RGS12: variants seen among roughly 807,000 people sequenced by gnomAD.
The protein encoded by RGS12 is regulator of G-protein signaling 12.
A neutral mutation model predicts 120.1 loss-of-function variants in RGS12; 66 were observed. The ratio of observed to expected loss-of-function variants is 0.55; its 90% CI spans 0.45 to 0.67. The LOEUF (loss-of-function observed/expected upper bound fraction) is 0.67. RGS12 is among the 30% of genes least tolerant of loss of function. RGS12 has a pLI of 0.00. For missense variants in RGS12, 1,859 were observed against 1,957.7 expected, an observed-to-expected ratio of 0.95 and a Z score of 0.95; for synonymous variants, 827 against 804.7, an observed-to-expected ratio of 1.03 and a Z score of -0.47.
intron 3 of RGS12, among the ~76,000 whole-genome samples, chr4:3,349,749 C>T (rs892738296): frequency 8.6e-5 from 13 of 151,996 alleles, no homozygotes; most frequent in Non-Finnish European, 1.5e-4. Context: ...CATGTTTTCC[C>T]GTTACATAAT....
chr4:3,316,076 GT>G lies in RGS12; in HGVS notation c.-92del. ...GTTCGTTTTTCTTTCTTAGGGCACT[GT>G]TTGAAGAAGCAAACATGGTAGCATC... is the stretch of plus-strand genomic sequence containing the variant. On this transcript the variant is annotated 5_prime_UTR_variant, in exon 2 of 18. Transcript: ENST00000336727. 7.5e-7 allele frequency: 1 copy of G among 1,328,260 alleles called. No homozygotes were observed. Among genetic ancestry groups the G allele is most frequent in the Non-Finnish European group, 1.0e-6 (1 of 973,900 alleles). 82.3% of individuals were successfully genotyped at this position (1,328,260 alleles called of 1,614,324 possible). A position where few individuals can be genotyped will look rare whatever the true frequency, so the allele number is the denominator to read the frequency against.
intron 4 of RGS12, among the ~76,000 whole-genome samples, chr4:3,397,455 A>AG (rs900090287): frequency 6.6e-6 from 1 of 152,214 alleles, no homozygotes; most frequent in African/African-American, 2.4e-5. Context: ...GATGGCAGCC[A>AG]GGGGGTCGCG....
intron 1 of RGS12, among the ~76,000 whole-genome samples, chr4:3,306,332 G>T (rs1723964297): frequency 6.6e-6 from 1 of 152,258 alleles, no homozygotes; most frequent in Non-Finnish European, 1.5e-5. Flanking sequence ...GTGGCAGGAG[G>T]TGCGATGACG....
chr4:3,304,643 C>T (rs956205612), intron 1 of RGS12, among the ~76,000 whole-genome samples: 5 of 152,180 alleles, frequency 3.3e-5, no homozygotes, highest in African/African-American at 9.7e-5. Context: ...TCTTTTTAGC[C>T]GCTTTTCCCC....
intron 4 of RGS12, 58 bp downstream of exon 4, chr4:3,386,495 G>A: frequency 7.4e-6 from 11 of 1,483,360 alleles, no homozygotes; most frequent in Non-Finnish European, 1.0e-5. Context: ...TTCAAATTGT[G>A]AAAGTGTATT....
At chr4:3,417,649 A>G (rs1270305898) in intron 9 of RGS12, 108 bp downstream of exon 9, 2 of 1,223,008 alleles carry the variant, frequency 1.6e-6, no homozygotes, top group Non-Finnish European at 2.3e-6. Flanking sequence ...GTGCAGTGAG[A>G]GGCCCTGTTG....
chr4:3,396,004 T>A (rs1051904129), intron 4 of RGS12, among the ~76,000 whole-genome samples: 10 of 152,252 alleles, frequency 6.6e-5, no homozygotes, highest in African/African-American at 2.2e-4. Context: ...TGATAACAGC[T>A]AATACAATGT....
chr4:3,294,212 C>G (rs948082442), intron 1 of RGS12, among the ~76,000 whole-genome samples: 1 of 152,272 alleles, frequency 6.6e-6, no homozygotes. Context: ...CCTTCTGAGG[C>G]CACAGGGACG....
At chr4:3,364,076 T>C (rs987200913) in intron 3 of RGS12, among the ~76,000 whole-genome samples, 3 of 152,220 alleles carry the variant, frequency 2.0e-5, no homozygotes, top group African/African-American at 7.2e-5. Context: ...GGAACTGTAT[T>C]TTATTCATAT....
intron 2 of RGS12, among the ~76,000 whole-genome samples, chr4:3,338,586 C>T (rs1381171028): frequency 6.6e-6 from 1 of 152,220 alleles, no homozygotes; most frequent in Admixed American, 6.5e-5. Context: ...AGCCGGCTGG[C>T]TCAGGCTGGC....
chr4:3,408,669 T>C (rs1281843521), intron 4 of RGS12, among the ~76,000 whole-genome samples: 1 of 152,138 alleles, frequency 6.6e-6, no homozygotes, highest in Non-Finnish European at 1.5e-5. Context: ...GTCTGTGCCC[T>C]CGGGAAGCTG....
chr4:3,336,251 G>C (rs1398573803), intron 2 of RGS12, among the ~76,000 whole-genome samples: 1 of 152,188 alleles, frequency 6.6e-6, no homozygotes, highest in Non-Finnish European at 1.5e-5. Flanking sequence ...CCAGCCCTGG[G>C]GTGGCAGCGG....
intron 2 of RGS12, among the ~76,000 whole-genome samples, 162 bp downstream of exon 2, chr4:3,318,213 G>A (rs1030555752): frequency 5.9e-5 from 9 of 152,098 alleles, no homozygotes; most frequent in East Asian, 1.9e-4. Flanking sequence ...TGTGGGCTGC[G>A]GACTGTGTCT....
chr4:3,417,795 C>A, intron 9 of RGS12: 1 of 483,398 alleles, frequency 2.1e-6, no homozygotes, highest in Non-Finnish European at 3.7e-6. Flanking sequence ...TCAGCCCATG[C>A]CTACCTCAGG....
At position 3,423,138 on chromosome 4, in the gene RGS12, A is replaced by T. The variant is rs575342526; in HGVS notation, c.3107+160A>T. ...GGGAGGGTGGAGGCCCACACGAGGC[A>T]GCCCCCCTACAAGCCCGGGGGTGAG... is the stretch of plus-strand genomic sequence containing the variant. On this transcript the variant is annotated intron_variant, in intron 12 of 17. Coordinates refer to ENST00000336727, the MANE Select transcript of RGS12 (RefSeq NM_001394154.1). 7.2e-5 allele frequency among the ~76,000 whole-genome samples: 11 copies of T among 152,264 alleles called. No homozygotes were observed. In the East Asian group the frequency reaches 2.1e-3, roughly 29 times the overall value.
In RGS12 at chr4:3,365,850, A is replaced by G. The variant is rs775597679; in HGVS notation, c.1999-20566A>G. Among the ~76,000 whole-genome samples, 3 of 152,158 alleles carry G rather than the reference A, an allele frequency of 2.0e-5. No individual in the cohort carries two copies. The highest frequency in any genetic ancestry group is 1.9e-4 in the East Asian group (1 of 5,194). On this transcript the variant is annotated intron_variant, in intron 3 of 17. Coordinates refer to ENST00000336727, the MANE Select transcript of RGS12 (RefSeq NM_001394154.1). This position sits in a 1 kb window ranked among gnomAD's most constrained non-coding sequence, Gnocchi z 4.0. ...CCTTAAGATCCTGTGAACTCCGGAC[A>G]TGTAATAGGATTCTTCAGTGCTTCA...
At chr4:3,425,769 T>C (rs1420298627) in intron 14 of RGS12, among the ~76,000 whole-genome samples, 10 of 16,174 alleles carry the variant, frequency 6.2e-4, no homozygotes, top group Admixed American at 7.0e-4. Flanking sequence ...GGCGTTGGCA[T>C]AGGGGAGAGG....
chr4:3,339,516 C>A (rs2108762758), intron 2 of RGS12, among the ~76,000 whole-genome samples: 1 of 152,256 alleles, frequency 6.6e-6, no homozygotes, highest in South Asian at 2.1e-4. Flanking sequence ...TTATCACTGT[C>A]CATCTAAATA....
At chr4:3,391,597 CTTAG>C (rs1301227444) in intron 4 of RGS12, among the ~76,000 whole-genome samples, 4 of 152,176 alleles carry the variant, frequency 2.6e-5, no homozygotes, top group Admixed American at 2.6e-4. Flanking sequence ...AAGGGAGTTT[CTTAG>C]TTAGATTCTT....
Sources: gnomAD v4.1 joint callset for allele counts (sites outside exome capture counted in the v4.1 genomes callset) on GRCh38, gnomAD v4.1.1 for gene constraint, Gnocchi (gnomAD v3.1) non-coding constraint, MANE v1.5 for transcripts, NCBI Gene and HGNC (gene_info 2026-07-23, HGNC 2026-07-21) for gene names.